The following MED15 variants were observed in gnomAD, a reference collection of about 807,000 sequenced individuals.
MED15 encodes mediator complex subunit 15.
MED15 carries 41 observed loss-of-function variants against 118.7 expected under a neutral mutation model. The ratio of observed to expected loss-of-function variants is 0.35; its 90% CI spans 0.27 to 0.45. The LOEUF (loss-of-function observed/expected upper bound fraction) is 0.45. Among genes scored for constraint, MED15 ranks in the 20% least tolerant of loss-of-function variants. The pLI is 1.00. For synonymous variants in MED15, 436 were observed against 413.9 expected (o/e 1.05, Z -0.65); for missense variants, 740 against 1,025.5 (o/e 0.72, Z 3.80).
Position 20,566,514 on chromosome 22 carries a change from CCAA to C in MED15, c.744_746del (p.Gln262del). On this transcript the variant is annotated inframe_deletion, in exon 7 of 18. Coordinates refer to ENST00000263205, the MANE Select transcript of MED15 (RefSeq NM_001003891.3). ...TGCAGCGAATAGCACAGCTGCAGCT[CCAA>C]CAACAGCAACAGCAGCAGCAGCAGC... is the stretch of plus-strand genomic sequence containing the variant. The C allele has an allele frequency of 6.2e-7, 1 of 1,605,880 alleles. No individual in the cohort carries two copies. Among genetic ancestry groups the C allele is most frequent in the Non-Finnish European group, 8.5e-7 (1 of 1,175,324 alleles).
At position 20,528,322 on chromosome 22, in the gene MED15, C is replaced by T. The variant is rs114819925; in HGVS notation, c.69-8795C>T. On this transcript the variant is annotated intron_variant, in intron 1 of 17. Transcript: ENST00000263205. ...CCCCAACCTTTTTAGCACCAGGGAC[C>T]GGTTTCACAGAAGACAATTTTTCTA... is the stretch of plus-strand genomic sequence containing the variant. 2.0e-4 allele frequency among the ~76,000 whole-genome samples: 31 copies of T among 152,188 alleles called. 1 individual carries two copies. The highest frequency in any genetic ancestry group is 7.0e-4 in the African/African-American group (29 of 41,500).
intron 16 of MED15, 92 bp downstream of exon 16, chr22:20,585,359 C>G (rs1176754712): frequency 6.7e-7 from 1 of 1,502,826 alleles, no homozygotes; most frequent in East Asian, 2.3e-5. Flanking sequence ...GCACAGCGCC[C>G]AGAACCCACC....
At chr22:20,551,034 C>T in intron 2 of MED15, 1 of 448,374 alleles carries the variant, frequency 2.2e-6, no homozygotes. Flanking sequence ...ACAGATAGTG[C>T]AAAGACACAG....
Position 20,566,586 on chromosome 22 carries a change from T to TCAGCAGCCACCGATG in MED15, c.821_835dup (p.Pro274_Pro278dup). ...AGGCTTTGCAGGCCCAGCCACCAAT[T>TCAGCAGCCACCGATG]CAGCAGCCACCGATGCAGCAGCCAC... On this transcript the variant is annotated inframe_insertion, in exon 7 of 18. Coordinates refer to ENST00000263205, the MANE Select transcript of MED15 (RefSeq NM_001003891.3). The TCAGCAGCCACCGATG allele has an allele frequency of 6.2e-7, 1 of 1,613,442 alleles. No homozygotes were observed. Among genetic ancestry groups the TCAGCAGCCACCGATG allele is most frequent in the Non-Finnish European group, 8.5e-7 (1 of 1,179,794 alleles).
At chr22:20,515,463 TA>T (rs361781) in intron 1 of MED15, among the ~76,000 whole-genome samples, 147,313 of 149,892 alleles carry the variant, frequency 0.98, 72,423 homozygotes, top group East Asian at 1. Flanking sequence ...GCTGACGAGC[TA>T]AAAAAAAAAA....
chr22:20,530,721 A>G (rs2054825927), intron 1 of MED15, among the ~76,000 whole-genome samples: 1 of 152,030 alleles, frequency 6.6e-6, no homozygotes, highest in Non-Finnish European at 1.5e-5. Flanking sequence ...TGGGGAGGCC[A>G]GTTCATGCCT....
chr22:20,535,760 T>A (rs368308470), intron 1 of MED15, among the ~76,000 whole-genome samples: 1 of 151,706 alleles, frequency 6.6e-6, no homozygotes, highest in East Asian at 1.9e-4. Context: ...AGGGTTTCAC[T>A]GTGTTAGCCA....
chr22:20,585,719 G>A lies in MED15; in HGVS notation c.2132-9G>A. The A allele has an allele frequency of 6.2e-7, 1 of 1,612,706 alleles. No homozygotes were observed. Among genetic ancestry groups the A allele is most frequent in the Non-Finnish European group, 8.5e-7 (1 of 1,179,722 alleles). The stretch of plus-strand genomic sequence containing the variant: ...GTCCAGGTCACAGATAGAGCCTTCT[G>A]TGTTGCAGATGACAAGGACCTCCCA... On this transcript the variant is annotated splice_polypyrimidine_tract_variant and intron_variant, in intron 16 of 17. Coordinates refer to ENST00000263205, the MANE Select transcript of MED15 (RefSeq NM_001003891.3).
intron 2 of MED15, among the ~76,000 whole-genome samples, chr22:20,545,464 ACT>A (rs2055489549): frequency 8.4e-6 from 1 of 118,468 alleles, no homozygotes; most frequent in African/African-American, 3.5e-5. Flanking sequence ...ACAGAGCGAG[ACT>A]CCACCTCAAA....
In MED15 at chr22:20,549,307, C is replaced by G. The variant is rs2055680384; in HGVS notation, c.157-2129C>G. Among the ~76,000 whole-genome samples, 2 of 152,196 alleles carry G rather than the reference C, an allele frequency of 1.3e-5. 1 individual carries two copies. The highest frequency in any genetic ancestry group is 4.1e-4 in the South Asian group (2 of 4,836). ...TTGTAATACTCAGCCTCAGGTACAG[C>G]TGGACACTTATATTTTGATAGCCAG... On this transcript the variant is annotated intron_variant, in intron 2 of 17. Coordinates refer to ENST00000263205, the MANE Select transcript of MED15 (RefSeq NM_001003891.3).
intron 8 of MED15, among the ~76,000 whole-genome samples, chr22:20,572,094 T>C (rs904919040): frequency 1.3e-5 from 2 of 152,226 alleles, no homozygotes; most frequent in Admixed American, 6.5e-5. Context: ...TAATTTCCGA[T>C]TTTTTGCTAT....
At chr22:20,550,584 C>T (rs561690359) in intron 2 of MED15, among the ~76,000 whole-genome samples, 72 of 152,362 alleles carry the variant, frequency 4.7e-4, no homozygotes, top group African/African-American at 1.7e-3. Context: ...GAGCAGGGCA[C>T]GGAGCCGGGG....
At chr22:20,557,116 C>T (rs2056044588) in intron 5 of MED15, among the ~76,000 whole-genome samples, 1 of 152,184 alleles carries the variant, frequency 6.6e-6, no homozygotes, top group Non-Finnish European at 1.5e-5. Flanking sequence ...TCACACATCC[C>T]TCATGATAAC....
chr22:20,527,509 A>G (rs1185915239), intron 1 of MED15, among the ~76,000 whole-genome samples: 1 of 151,794 alleles, frequency 6.6e-6, no homozygotes, highest in Non-Finnish European at 1.5e-5. Flanking sequence ...TGATGTGTTC[A>G]TGGCTCACTA....
chr22:20,516,443 G>T (rs957133148), intron 1 of MED15, among the ~76,000 whole-genome samples: 1 of 152,134 alleles, frequency 6.6e-6, no homozygotes, highest in African/African-American at 2.4e-5. Flanking sequence ...CAGAGGAAGA[G>T]CCAGCCAGCA....
At chr22:20,532,519 A>T (rs1462643801) in intron 1 of MED15, among the ~76,000 whole-genome samples, 1 of 152,208 alleles carries the variant, frequency 6.6e-6, no homozygotes. Flanking sequence ...CTGACTGAGT[A>T]CACAGACATA....
intron 3 of MED15, 37 bp from the exon 4 acceptor site, chr22:20,553,108 T>C: frequency 6.3e-7 from 1 of 1,586,540 alleles, no homozygotes; most frequent in East Asian, 2.2e-5. Flanking sequence ...TATAAAACTA[T>C]GTTTACTTTC....
At chr22:20,508,930 C>A (rs1286224905) in intron 1 of MED15, among the ~76,000 whole-genome samples, 1 of 152,152 alleles carries the variant, frequency 6.6e-6, no homozygotes, top group African/African-American at 2.4e-5. Flanking sequence ...CGTCACAGCG[C>A]AGTCTTGTCA....
chr22:20,537,330 A>G, intron 2 of MED15, 126 bp downstream of exon 2: 1 of 737,670 alleles, frequency 1.4e-6, no homozygotes, highest in Non-Finnish European at 2.2e-6. Context: ...TCGATTGATC[A>G]CAGGCACAGT....
Sources: allele counts gnomAD v4.1 joint callset (sites outside exome capture counted in the v4.1 genomes callset), GRCh38; gene constraint gnomAD v4.1.1; transcripts MANE v1.5; gene names NCBI Gene and HGNC (gene_info 2026-07-23, HGNC 2026-07-21).